Variants in KCNT2 observed in about 807,000 individuals in gnomAD.
KCNT2 encodes the protein potassium channel subfamily T member 2.
KCNT2 carries 67 observed loss-of-function variants against 153.8 expected under a neutral mutation model. The ratio of observed to expected loss-of-function variants is 0.44; its 90% CI spans 0.36 to 0.53. The LOEUF (loss-of-function observed/expected upper bound fraction) is 0.53, where lower values mean the gene tolerates loss of function less well. Ranked by LOEUF, KCNT2 falls within the 20% of genes least tolerant of loss-of-function variation. The pLI is 0.00. For synonymous variants in KCNT2, 500 were observed against 458.8 expected, an observed-to-expected ratio of 1.09 and a Z score of -1.15; for missense variants, 975 against 1,354.8, an observed-to-expected ratio of 0.72 and a Z score of 4.40.
At chr1:196,594,215 T>C (rs1663773192) in intron 1 of KCNT2, among the ~76,000 whole-genome samples, 2 of 152,172 alleles carry the variant, frequency 1.3e-5, no homozygotes, top group Admixed American at 1.3e-4. Flanking sequence ...TGTCACAGTA[T>C]GAATTATGGA....
At chr1:196,375,908 AGATAT>A (rs747201289) in intron 13 of KCNT2, among the ~76,000 whole-genome samples, 15 of 151,890 alleles carry the variant, frequency 9.9e-5, no homozygotes, top group Non-Finnish European at 1.3e-4. Flanking sequence ...ACAAGGAAAA[AGATAT>A]GATATAATAT....
rs183276202 is a variant in KCNT2 at position 196,302,798 on chromosome 1, T to A, written c.2595+2436A>T. Among the ~76,000 whole-genome samples, 126 of 152,078 alleles carry A rather than the reference T, an allele frequency of 8.3e-4. 1 individual carries two copies. The Middle Eastern group carries it at 0.014, about 16-fold the overall frequency. The stretch of plus-strand genomic sequence containing the variant: ...TATAAAAGACTAAAAAGTTTCTACA[T>A]TTTTAAATTTTTAAGTTTCTGAAAT... On this transcript the variant is annotated intron_variant, in intron 22 of 27. Transcript: ENST00000294725.
intron 1 of KCNT2, among the ~76,000 whole-genome samples, chr1:196,575,169 G>T (rs906438766): frequency 6.6e-6 from 1 of 152,174 alleles, no homozygotes; most frequent in South Asian, 2.1e-4. Context: ...CAAGATCTAT[G>T]ATCTGCATTG....
chr1:196,432,433 G>A (rs577725748), intron 8 of KCNT2, among the ~76,000 whole-genome samples: 6 of 152,190 alleles, frequency 3.9e-5, no homozygotes, highest in East Asian at 1.9e-4. Context: ...CTCCGTAAAC[G>A]CTGCTGTGTG....
At chr1:196,386,459 G>A (rs1439197839) in intron 13 of KCNT2, among the ~76,000 whole-genome samples, 1 of 152,018 alleles carries the variant, frequency 6.6e-6, no homozygotes, top group African/African-American at 2.4e-5. Flanking sequence ...CCCTTGCACA[G>A]GAAGCACTAC....
intron 12 of KCNT2, among the ~76,000 whole-genome samples, chr1:196,402,435 T>A (rs1019713453): frequency 6.6e-6 from 1 of 151,690 alleles, no homozygotes; most frequent in Middle Eastern, 3.4e-3. Context: ...GTTTATAATT[T>A]TAACAAGTGG....
At chr1:196,417,432 T>C (rs1672845024) in intron 12 of KCNT2, among the ~76,000 whole-genome samples, 3 of 152,078 alleles carry the variant, frequency 2.0e-5, no homozygotes, top group Admixed American at 6.6e-5. Context: ...CCATAACATA[T>C]AAGTGCAGCC....
At chr1:196,470,195 T>C (rs1428669458) in intron 5 of KCNT2, among the ~76,000 whole-genome samples, 2 of 152,202 alleles carry the variant, frequency 1.3e-5, no homozygotes, top group Non-Finnish European at 2.9e-5. Context: ...GGTGCTGTGG[T>C]GCATCTCATC....
At chr1:196,356,014 T>C (rs1230253801) in intron 14 of KCNT2, among the ~76,000 whole-genome samples, 1 of 151,750 alleles carries the variant, frequency 6.6e-6, no homozygotes, top group African/African-American at 2.4e-5. Context: ...TTGTAGTGAA[T>C]TTCCCAGGCA....
At chr1:196,270,082 C>T (rs746708246) in intron 25 of KCNT2, among the ~76,000 whole-genome samples, 2 of 151,730 alleles carry the variant, frequency 1.3e-5, no homozygotes, top group African/African-American at 4.8e-5. Flanking sequence ...TGTTTTTTAT[C>T]TTTTCTAAAG....
intron 27 of KCNT2, among the ~76,000 whole-genome samples, chr1:196,231,020 T>C (rs1653902662): frequency 6.6e-6 from 1 of 151,820 alleles, no homozygotes; most frequent in South Asian, 2.1e-4. Context: ...TACTACTTCA[T>C]TGTTGTCTGA....
intron 21 of KCNT2, among the ~76,000 whole-genome samples, chr1:196,305,838 G>A (rs1661578281): frequency 1.3e-5 from 2 of 152,116 alleles, no homozygotes; most frequent in South Asian, 4.2e-4. Context: ...TCTGAGATGA[G>A]GAAATAATTT....
At chr1:196,369,271 A>C (rs1668302950) in intron 14 of KCNT2, among the ~76,000 whole-genome samples, 1 of 152,152 alleles carries the variant, frequency 6.6e-6, no homozygotes, top group African/African-American at 2.4e-5. Flanking sequence ...AAATCATTAT[A>C]GTCCATGTTC....
intron 22 of KCNT2, among the ~76,000 whole-genome samples, chr1:196,294,860 A>T (rs1030413442): frequency 6.6e-6 from 1 of 151,780 alleles, no homozygotes; most frequent in Non-Finnish European, 1.5e-5. Context: ...TTAAAATTGA[A>T]TTCATAGTAG....
intron 1 of KCNT2, among the ~76,000 whole-genome samples, chr1:196,534,781 T>C (rs546468651): frequency 6.6e-6 from 1 of 152,286 alleles, no homozygotes; most frequent in South Asian, 2.1e-4. Flanking sequence ...AGCAGGTCAC[T>C]TTGTGGAACT....
At chr1:196,381,129 C>T (rs1425532711) in intron 13 of KCNT2, among the ~76,000 whole-genome samples, 6 of 152,096 alleles carry the variant, frequency 3.9e-5, no homozygotes, top group Middle Eastern at 3.4e-3. Context: ...GTAAAAAGCA[C>T]GTTTCTGTTT....
At chr1:196,422,477 C>T (rs1186552543) in intron 12 of KCNT2, among the ~76,000 whole-genome samples, 1 of 151,714 alleles carries the variant, frequency 6.6e-6, no homozygotes, top group African/African-American at 2.4e-5. Flanking sequence ...ATAATTTATA[C>T]CATTATTTGC....
intron 1 of KCNT2, among the ~76,000 whole-genome samples, chr1:196,531,861 A>G (rs1458411966): frequency 3.9e-5 from 6 of 152,070 alleles, no homozygotes; most frequent in Admixed American, 3.3e-4. Context: ...CTGACGACTG[A>G]AGCAGCATTT....
At chr1:196,508,054 A>G (rs1681290606) in intron 1 of KCNT2, among the ~76,000 whole-genome samples, 1 of 151,914 alleles carries the variant, frequency 6.6e-6, no homozygotes, top group Admixed American at 6.6e-5. Context: ...TTGATTCGTG[A>G]AATTTAAAAA....
Sources: gnomAD v4.1 joint callset for allele counts (sites outside exome capture counted in the v4.1 genomes callset) on GRCh38, gnomAD v4.1.1 for gene constraint, MANE v1.5 for transcripts, NCBI Gene and HGNC (gene_info 2026-07-23, HGNC 2026-07-21) for gene names.